Variants in LRRC40 observed in about 807,000 individuals in gnomAD.
LRRC40 encodes the protein leucine rich repeat containing 40.
LRRC40 carries 76 observed loss-of-function variants against 72.8 expected under a neutral mutation model. The ratio of observed to expected loss-of-function variants is 1.04; its 90% confidence interval spans 0.87 to 1.26. The LOEUF is 1.26. Among genes scored for constraint, LRRC40 ranks in the 50% most tolerant of loss-of-function variants. The pLI, the probability that LRRC40 is intolerant of heterozygous loss-of-function variation, is 0.00. For missense variants in LRRC40, 684 were observed against 698.9 expected, an observed-to-expected ratio of 0.98 and a Z score of 0.24; for synonymous variants, 243 against 254.2, an observed-to-expected ratio of 0.96 and a Z score of 0.42.
At chr1:70,202,689 TTAA>T (rs773887496) in intron 1 of LRRC40, among the ~76,000 whole-genome samples, 2 of 152,190 alleles carry the variant, frequency 1.3e-5, no homozygotes, top group Non-Finnish European at 2.9e-5. Flanking sequence ...TGAACTCCAG[TTAA>T]TAATAATGTA....
chr1:70,160,738 T>C (rs1172431422), intron 9 of LRRC40, among the ~76,000 whole-genome samples: 1 of 152,140 alleles, frequency 6.6e-6, no homozygotes, highest in African/African-American at 2.4e-5. Context: ...GAGAGTCTAT[T>C]GTCTCTGGGG....
intron 6 of LRRC40, among the ~76,000 whole-genome samples, chr1:70,176,246 A>C (rs544538774): frequency 1.3e-5 from 2 of 152,272 alleles, no homozygotes; most frequent in East Asian, 3.9e-4. Flanking sequence ...TATAAAACCA[A>C]AGTAGGCTGG....
intron 10 of LRRC40, among the ~76,000 whole-genome samples, chr1:70,158,872 T>C (rs1170546347): frequency 6.6e-6 from 1 of 151,410 alleles, no homozygotes; most frequent in Admixed American, 6.6e-5. Flanking sequence ...ACTGTCATTC[T>C]TTTTTTTTAT....
chr1:70,168,455 T>C (rs1419863916), intron 9 of LRRC40, among the ~76,000 whole-genome samples: 1 of 152,248 alleles, frequency 6.6e-6, no homozygotes, highest in African/African-American at 2.4e-5. Flanking sequence ...CCATCTTCCA[T>C]ATTCCCAGCT....
chr1:70,150,277 G>A lies in LRRC40; in HGVS notation c.1517+851C>T, dbSNP rs1410568137. Among the ~76,000 whole-genome samples the A allele has an allele frequency of 3.9e-5, 6 of 152,174 alleles. 1 individual carries two copies. The highest frequency in any genetic ancestry group is 3.9e-4 in the Admixed American group (6 of 15,280). ...ATCCATTTTCATCATAAGAAACAAT[G>A]TGACATAGTTGTTAAGAGCCCAACT... On this transcript the variant is annotated intron_variant, in intron 13 of 14. Coordinates refer to ENST00000370952, the MANE Select transcript of LRRC40 (RefSeq NM_017768.5).
intron 13 of LRRC40, among the ~76,000 whole-genome samples, chr1:70,149,769 C>T (rs533061555): frequency 1.3e-5 from 2 of 152,210 alleles, no homozygotes; most frequent in East Asian, 1.9e-4. Context: ...AATATTTTAA[C>T]ATCACTATGC....
In LRRC40 at chr1:70,181,161, G is replaced by A. The variant is rs2100307997; in HGVS notation, c.586C>T (p.Leu196=). The stretch of plus-strand genomic sequence containing the variant: ...AGATTGAGTCGCACCAGACTGGACA[G>A]AGAAGAAAAACTAGCAGGAACAGTT... ...LTTVPASFSS[L]SSLVRLNLSS... The change falls in exon 5 of 15, where the codon CTG becomes TTG. Residue 196 remains leucine, a synonymous_variant. Transcript: ENST00000370952. 1 of 1,593,838 alleles carries A rather than the reference G, an allele frequency of 6.3e-7. No homozygotes were observed. Among genetic ancestry groups the A allele is most frequent in the East Asian group, 2.3e-5 (1 of 43,918 alleles).
chr1:70,165,440 A>T (rs1342098856), intron 9 of LRRC40, among the ~76,000 whole-genome samples: 5 of 152,246 alleles, frequency 3.3e-5, no homozygotes, highest in Non-Finnish European at 7.3e-5. Flanking sequence ...AGCATCACAG[A>T]CAAGTGCCTT....
At chr1:70,168,946 G>A (rs1264269783) in intron 9 of LRRC40, among the ~76,000 whole-genome samples, 4 of 152,118 alleles carry the variant, frequency 2.6e-5, no homozygotes, top group African/African-American at 9.7e-5. Context: ...AGCTATAAAT[G>A]CCTATGTCAA....
At chr1:70,171,240 C>T (rs916745098) in intron 9 of LRRC40, among the ~76,000 whole-genome samples, 7 of 150,640 alleles carry the variant, frequency 4.6e-5, no homozygotes, top group African/African-American at 7.3e-5. Flanking sequence ...AAAACAATGG[C>T]GTTATAAAAT....
At chr1:70,166,486 C>CT (rs1251187075) in intron 9 of LRRC40, among the ~76,000 whole-genome samples, 3 of 151,982 alleles carry the variant, frequency 2.0e-5, no homozygotes, top group Non-Finnish European at 4.4e-5. Context: ...TAACAAGACT[C>CT]TGTCTCTACA....
chr1:70,202,955 A>G (rs1395270570), intron 1 of LRRC40, among the ~76,000 whole-genome samples: 2 of 152,200 alleles, frequency 1.3e-5, no homozygotes, highest in African/African-American at 4.8e-5. Flanking sequence ...CAATGGCACA[A>G]TCACAGCACC....
At chr1:70,149,151 T>C (rs1667398440) in intron 13 of LRRC40, among the ~76,000 whole-genome samples, 1 of 152,218 alleles carries the variant, frequency 6.6e-6, no homozygotes, top group Admixed American at 6.5e-5. Flanking sequence ...GCTGGCTTTC[T>C]TGTCCAAGCA....
At chr1:70,197,306 G>T (rs1238529749) in intron 1 of LRRC40, among the ~76,000 whole-genome samples, 2 of 150,768 alleles carry the variant, frequency 1.3e-5, no homozygotes, top group Non-Finnish European at 3.0e-5. Flanking sequence ...ATTTTTTTTT[G>T]AGAGCCTGTC....
chr1:70,183,313 A>C (rs1324849437), intron 4 of LRRC40, among the ~76,000 whole-genome samples: 1 of 152,156 alleles, frequency 6.6e-6, no homozygotes, highest in Non-Finnish European at 1.5e-5. Context: ...TATGTGGAGT[A>C]GATATTATAT....
chr1:70,173,318 A>G, intron 9 of LRRC40, 147 bp downstream of exon 9: 1 of 611,526 alleles, frequency 1.6e-6, no homozygotes, highest in Non-Finnish European at 2.9e-6. Flanking sequence ...ATACTTACAG[A>G]CTATATGGAT....
intron 9 of LRRC40, among the ~76,000 whole-genome samples, chr1:70,172,900 T>C (rs1302026728): frequency 6.6e-6 from 1 of 152,056 alleles, no homozygotes; most frequent in Non-Finnish European, 1.5e-5. Context: ...CTTTTTTTTT[T>C]CAAAATGTTT....
intron 11 of LRRC40, among the ~76,000 whole-genome samples, chr1:70,153,094 C>A (rs578009946): frequency 1.8e-4 from 27 of 152,270 alleles, no homozygotes; most frequent in African/African-American, 5.8e-4. Flanking sequence ...GGCACGGTGG[C>A]TCACACCTAT....
chr1:70,185,109 G>T (rs1463647091), intron 3 of LRRC40, among the ~76,000 whole-genome samples, 195 bp from the exon 4 acceptor site: 1 of 151,992 alleles, frequency 6.6e-6, no homozygotes, highest in Non-Finnish European at 1.5e-5. Flanking sequence ...ACCACATTGG[G>T]GTTTCAAAGA....
Sources: allele counts gnomAD v4.1 joint callset (sites outside exome capture counted in the v4.1 genomes callset), GRCh38; gene constraint gnomAD v4.1.1; transcripts MANE v1.5; gene names NCBI Gene and HGNC (gene_info 2026-07-23, HGNC 2026-07-21).